Variants in GMPR observed in about 807,000 individuals in gnomAD.
GMPR encodes the protein GMP reductase 1.
Under a neutral mutation model 38.4 loss-of-function variants are expected in GMPR, and 31 were observed. That is an observed-to-expected ratio of 0.81 (90% confidence interval 0.61 to 1.09). The LOEUF (loss-of-function observed/expected upper bound fraction) is 1.09, where lower values mean the gene tolerates loss of function less well. Ranked by LOEUF, GMPR falls within the 50% of genes least tolerant of loss-of-function variation. The probability of loss-of-function intolerance (pLI) is 0.00; values close to 1 mark genes in which losing one functional copy is unlikely to be tolerated. For missense variants in GMPR, 468 were observed against 453.7 expected (o/e 1.03, Z -0.29); for synonymous variants, 162 against 173.3 (o/e 0.93, Z 0.51).
intron 1 of GMPR, among the ~76,000 whole-genome samples, chr6:16,242,429 A>T (rs1758668754): frequency 6.7e-6 from 1 of 149,916 alleles, no homozygotes; most frequent in South Asian, 2.1e-4. Context: ...ACAAGAATTT[A>T]TTATCTTACA....
intron 4 of GMPR, among the ~76,000 whole-genome samples, chr6:16,270,730 T>A (rs559387682): frequency 6.6e-6 from 1 of 152,258 alleles, no homozygotes; most frequent in African/African-American, 2.4e-5. Flanking sequence ...CTGTCCCTCA[T>A]GGTTGAGGCA....
chr6:16,288,168 C>T lies in GMPR; in HGVS notation c.698-2294C>T, dbSNP rs192538558. 7.7e-4 allele frequency among the ~76,000 whole-genome samples: 117 copies of T among 152,378 alleles called. 1 individual carries two copies. The highest frequency in any genetic ancestry group is 2.5e-3 in the African/African-American group (106 of 41,602). ...CCACTTTGGCAGCACTTGAGGAGCC[C>T]TTCAGCCCGTCTCTGCACTCTGGGA... is the stretch of plus-strand genomic sequence containing the variant. On this transcript the variant is annotated intron_variant, in intron 7 of 8. Coordinates refer to ENST00000259727, the MANE Select transcript of GMPR (RefSeq NM_006877.4).
intron 1 of GMPR, among the ~76,000 whole-genome samples, chr6:16,241,105 A>G (rs750676496): frequency 7.9e-5 from 12 of 152,104 alleles, no homozygotes; most frequent in Admixed American, 5.9e-4. Flanking sequence ...AGAAGCTTAA[A>G]ATATGTGCAT....
At chr6:16,265,188 A>G (rs1759169204) in intron 4 of GMPR, among the ~76,000 whole-genome samples, 1 of 152,258 alleles carries the variant, frequency 6.6e-6, no homozygotes, top group Admixed American at 6.5e-5. Context: ...CCTGACTTCA[A>G]GTAGTCCTCC....
In GMPR at chr6:16,246,864, C is replaced by T. The variant is rs138267551; in HGVS notation, c.110C>T (p.Thr37Met). The T allele has an allele frequency of 6.8e-6, 11 of 1,613,096 alleles. No individual in the cohort carries two copies. The highest frequency in any genetic ancestry group is 5.3e-5 in the African/African-American group (4 of 74,822). Residue 37 changes from threonine (T) to methionine (M), a missense_variant, in exon 2 of 9, where the codon ACG (threonine) becomes ATG (methionine). Physicochemically the swap from Thr to Met is moderately conservative, Grantham distance 81. Coordinates refer to ENST00000259727, the MANE Select transcript of GMPR (RefSeq NM_006877.4). ...CAGGTGGATCTTGAACGCACCTTCA[C>T]GTTTCGAAATTCAAAGCAGACCTAC... ...RAEVDLERTF[T>M]FRNSKQTYSG...
chr6:16,250,405 AG>A (rs771290598), intron 3 of GMPR, 38 bp downstream of exon 3: 11 of 1,138,262 alleles, frequency 9.7e-6, no homozygotes, highest in Non-Finnish European at 1.5e-5. Context: ...CCAGTGCTGC[AG>A]GGGGGAACAA....
At position 16,295,202 on chromosome 6, in the gene GMPR, A is replaced by C. The variant is rs370677429; in HGVS notation, c.*16A>C. 15 of 1,490,946 alleles carry C rather than the reference A, an allele frequency of 1.0e-5. No homozygotes were observed. The highest frequency in any genetic ancestry group is 1.3e-5 in the Non-Finnish European group (15 of 1,125,578). 92.4% of individuals were successfully genotyped at this position (1,490,946 alleles called of 1,614,324 possible). On this transcript the variant is annotated 3_prime_UTR_variant, in exon 9 of 9. Transcript: ENST00000259727. Reference sequence around the variant, plus strand: ...GTTCAGCTAACCCTGGGGACAAAGCAGCGTCTGGCTCGAGTGGAAGCGTCC... The same window carrying C: ...GTTCAGCTAACCCTGGGGACAAAGCCGCGTCTGGCTCGAGTGGAAGCGTCC...
At chr6:16,240,820 CTT>C (rs1167010706) in intron 1 of GMPR, among the ~76,000 whole-genome samples, 1 of 152,132 alleles carries the variant, frequency 6.6e-6, no homozygotes, top group Admixed American at 6.5e-5. Flanking sequence ...TGAGGAGTCT[CTT>C]TTGTATTTTT....
At position 16,264,016 on chromosome 6, in the gene GMPR, TC is replaced by T. The variant is rs545432156; in HGVS notation, c.465+9285del. On this transcript the variant is annotated intron_variant, in intron 4 of 8. Transcript: ENST00000259727. The stretch of plus-strand genomic sequence containing the variant: ...AGAAGGGATTAGGGTACTTGCCCCT[TC>T]CCCAGAAAAGCAGGACTTGCCGCTA... Among the ~76,000 whole-genome samples, 7 of 151,776 alleles carry T rather than the reference TC, an allele frequency of 4.6e-5. No homozygotes were observed. In the South Asian group the frequency reaches 1.5e-3, roughly 32 times the overall value.
At chr6:16,265,479 T>G (rs941408327) in intron 4 of GMPR, among the ~76,000 whole-genome samples, 31 of 152,222 alleles carry the variant, frequency 2.0e-4, no homozygotes, top group African/African-American at 7.2e-4. Context: ...GAAGCCAGCT[T>G]GACTTTCTGG....
intron 4 of GMPR, 82 bp downstream of exon 4, chr6:16,254,817 G>A (rs764566888): frequency 3.4e-5 from 33 of 983,182 alleles, no homozygotes; most frequent in Middle Eastern, 2.1e-4. Context: ...CGGGGGAGCT[G>A]TATCCTCTTC....
At position 16,261,736 on chromosome 6, in the gene GMPR, C is replaced by A. The variant is rs1008094733; in HGVS notation, c.465+7001C>A. On this transcript the variant is annotated intron_variant, in intron 4 of 8. Coordinates refer to ENST00000259727, the MANE Select transcript of GMPR (RefSeq NM_006877.4). Reference sequence around the variant, plus strand: ...TTCAAAGCATGCTGTGGGATGGGATCTTGGCATTGAGCAGGGTAAGGGTTA... The same window carrying A: ...TTCAAAGCATGCTGTGGGATGGGATATTGGCATTGAGCAGGGTAAGGGTTA... Among the ~76,000 whole-genome samples, 6 of 151,966 alleles carry A rather than the reference C, an allele frequency of 3.9e-5. 1 individual carries two copies. Among genetic ancestry groups the A allele is most frequent in the Admixed American group, 2.6e-4 (4 of 15,098 alleles).
At chr6:16,253,833 T>C (rs2113674333) in intron 3 of GMPR, among the ~76,000 whole-genome samples, 1 of 152,280 alleles carries the variant, frequency 6.6e-6, no homozygotes. Flanking sequence ...TGGCCATTTC[T>C]CCTTCTTCCT....
intron 4 of GMPR, among the ~76,000 whole-genome samples, 189 bp downstream of exon 4, chr6:16,254,924 A>C (rs1464479214): frequency 6.6e-6 from 1 of 152,170 alleles, no homozygotes; most frequent in Non-Finnish European, 1.5e-5. Flanking sequence ...GCTTCCCTCT[A>C]TAAAAAATAA....
intron 7 of GMPR, 46 bp downstream of exon 7, chr6:16,285,881 G>C: frequency 6.7e-7 from 1 of 1,495,992 alleles, no homozygotes; most frequent in Non-Finnish European, 9.2e-7. Flanking sequence ...AGGAAGGAGG[G>C]AGCTCCCTAC....
chr6:16,257,732 G>A (rs561574395), intron 4 of GMPR, among the ~76,000 whole-genome samples: 44 of 152,176 alleles, frequency 2.9e-4, no homozygotes, highest in Non-Finnish European at 5.1e-4. Context: ...TTCCTCATAG[G>A]TGGTGCTTTC....
intron 1 of GMPR, among the ~76,000 whole-genome samples, chr6:16,243,632 A>G (rs1758695448): frequency 6.6e-6 from 1 of 152,238 alleles, no homozygotes; most frequent in Admixed American, 6.5e-5. Context: ...ATAAAATACA[A>G]TATGTAAAAG....
intron 4 of GMPR, among the ~76,000 whole-genome samples, chr6:16,267,769 C>T (rs1172047114): frequency 6.6e-6 from 1 of 152,186 alleles, no homozygotes; most frequent in Non-Finnish European, 1.5e-5. Flanking sequence ...CTGATCTGGT[C>T]TGGAGGAAAT....
Position 16,278,735 on chromosome 6 carries a change from C to T in GMPR, c.548-49C>T, listed in dbSNP as rs1759522773. ...AGGGGGACGCATTTCATGTCACAGT[C>T]TTCTCATGTATAACCATCTATTTGG... On this transcript the variant is annotated intron_variant, in intron 5 of 8. Transcript: ENST00000259727. 4.0e-6 allele frequency: 5 copies of T among 1,262,206 alleles called. No homozygotes were observed. In the East Asian group the frequency reaches 1.2e-4, roughly 29 times the overall value. The allele number at this position is 1,262,206 out of a possible 1,614,324, so 78.2% of individuals were successfully genotyped here.
Sources: allele counts gnomAD v4.1 joint callset (sites outside exome capture counted in the v4.1 genomes callset), GRCh38; gene constraint gnomAD v4.1.1; transcripts MANE v1.5; gene names NCBI Gene and HGNC (gene_info 2026-07-23, HGNC 2026-07-21).